The following NPIPB7 variants were observed in gnomAD, a reference collection of about 807,000 sequenced individuals.
The protein encoded by NPIPB7 is nuclear pore complex interacting protein family member B7, also known as nuclear pore complex-interacting protein family member B7.
For synonymous variants in NPIPB7, 9 were observed against 88.1 expected, an observed-to-expected ratio of 0.10 and a Z score of 5.03; for missense variants, 14 against 238.5, an observed-to-expected ratio of 0.06 and a Z score of 6.20.
At chr16:28,463,922 CT>C in intron 2 of NPIPB7, among the ~76,000 whole-genome samples, 1 of 61,120 alleles carries the variant, frequency 1.6e-5, no homozygotes, top group African/African-American at 4.8e-5. Flanking sequence ...GTAGTCCCAG[CT>C]ACTCGGGAGG....
intron 4 of NPIPB7, among the ~76,000 whole-genome samples, chr16:28,462,178 G>C (rs1041991216): frequency 2.0e-5 from 3 of 150,298 alleles, no homozygotes; most frequent in African/African-American, 7.5e-5. Context: ...CCAGCACTTT[G>C]GGAGGCTGAG....
chr16:28,463,290 G>A (rs1327714144), intron 2 of NPIPB7, among the ~76,000 whole-genome samples: 27 of 138,240 alleles, frequency 2.0e-4, no homozygotes, highest in Middle Eastern at 3.5e-3. Context: ...TACTCGGGAG[G>A]CTGAGGCAGA....
intron 1 of NPIPB7, among the ~76,000 whole-genome samples, chr16:28,467,386 G>A (rs2045910368): frequency 2.4e-5 from 1 of 40,974 alleles, no homozygotes; most frequent in Non-Finnish European, 4.9e-5. Flanking sequence ...AGCCTCCCGA[G>A]TAGCTGAGAT....
intron 4 of NPIPB7, among the ~76,000 whole-genome samples, chr16:28,461,177 G>A (rs193047413): frequency 9.9e-4 from 148 of 150,126 alleles, no homozygotes; most frequent in Non-Finnish European, 1.5e-3. Flanking sequence ...GTGGATTGAG[G>A]GTCTGCCAAT....
At chr16:28,472,235 A>G (rs1220935227), upstream of NPIPB7, among the ~76,000 whole-genome samples, 1 of 152,044 alleles carries the variant, frequency 6.6e-6, no homozygotes, top group African/African-American at 2.4e-5. Context: ...CAACATAGTG[A>G]GACACCGTCT....
chr16:28,464,919 G>C (rs1263853823), intron 2 of NPIPB7, among the ~76,000 whole-genome samples: 1 of 146,588 alleles, frequency 6.8e-6, no homozygotes, highest in Non-Finnish European at 1.5e-5. Flanking sequence ...GATGAAAAGA[G>C]CAACCACGTC....
chr16:28,470,190 A>G (rs1201387666), intron 1 of NPIPB7, among the ~76,000 whole-genome samples, 183 bp downstream of exon 1: 2 of 131,990 alleles, frequency 1.5e-5, no homozygotes, highest in African/African-American at 6.1e-5. Flanking sequence ...CTTTTTTGGA[A>G]TTTTTTGTAG....
chr16:28,459,045 CA>C (rs1386777533), intron 4 of NPIPB7, among the ~76,000 whole-genome samples: 2 of 110,102 alleles, frequency 1.8e-5, no homozygotes, highest in Non-Finnish European at 4.0e-5. Context: ...AAAACAAAAA[CA>C]AAAACAAAAA....
In NPIPB7 at chr16:28,470,331, C is replaced by G. The variant is rs1203501059; in HGVS notation, c.66+42G>C. On this transcript the variant is annotated intron_variant, in intron 1 of 6. Transcript: ENST00000452313. ...TAATTTCATGCCGCGTGACACAGCC[C>G]AGTAAAAAGGAAGAAACCCCGCGGG... 1.2e-5 allele frequency: 18 copies of G among 1,509,100 alleles called. No homozygotes were observed. In the South Asian group the frequency reaches 2.2e-4, roughly 18 times the overall value. The allele number at this position is 1,509,100 out of a possible 1,614,324, so 93.5% of individuals were successfully genotyped here. A position where few individuals can be genotyped will look rare whatever the true frequency, so the allele number is the denominator to read the frequency against.
At chr16:28,471,871 G>T (rs1308097678), upstream of NPIPB7, among the ~76,000 whole-genome samples, 1 of 152,050 alleles carries the variant, frequency 6.6e-6, no homozygotes, top group Non-Finnish European at 1.5e-5. Context: ...ACCTCTCAGG[G>T]ATGTCCAAGG....
intron 2 of NPIPB7, among the ~76,000 whole-genome samples, chr16:28,463,403 A>G (rs1372322976): frequency 9.8e-6 from 1 of 101,948 alleles, no homozygotes; most frequent in East Asian, 3.3e-4. Context: ...ACACACACAC[A>G]CACACACACA....
chr16:28,468,401 C>G (rs2045918099), intron 1 of NPIPB7, among the ~76,000 whole-genome samples: 1 of 147,568 alleles, frequency 6.8e-6, no homozygotes, highest in Non-Finnish European at 1.5e-5. Flanking sequence ...AATAATACTT[C>G]TCTCTTGGAT....
upstream of NPIPB7, chr16:28,470,680 G>T (rs555040847): frequency 1.8e-6 from 1 of 543,256 alleles, no homozygotes; most frequent in Admixed American, 3.2e-5. Context: ...AGGGAAAGGA[G>T]GAGAAGGGGG....
chr16:28,470,734 G>C (rs1375695302), upstream of NPIPB7, among the ~76,000 whole-genome samples: 1 of 150,944 alleles, frequency 6.6e-6, no homozygotes, highest in Non-Finnish European at 1.5e-5. Flanking sequence ...AGAAGAAAGG[G>C]GTCTGGGAAA....
exon 7 of NPIPB7, chr16:28,456,604 G>C: frequency 1.6e-6 from 1 of 620,558 alleles, no homozygotes; most frequent in South Asian, 1.8e-5. Flanking sequence ...TTTCCACCTC[G>C]GCCTCCTGAG....
At chr16:28,462,449 G>T (rs1457585756) in intron 4 of NPIPB7, among the ~76,000 whole-genome samples, 15 of 146,732 alleles carry the variant, frequency 1.0e-4, no homozygotes, top group African/African-American at 2.7e-4. Flanking sequence ...GAAAACCAAT[G>T]CCAGTACTAG....
intron 4 of NPIPB7, among the ~76,000 whole-genome samples, chr16:28,461,945 C>A: frequency 1.0e-5 from 1 of 99,758 alleles, no homozygotes; most frequent in South Asian, 3.5e-4. Flanking sequence ...GAGACTCTGT[C>A]TCAAAAAAAA....
At chr16:28,471,767 G>A (rs1417660848), upstream of NPIPB7, among the ~76,000 whole-genome samples, 1 of 145,532 alleles carries the variant, frequency 6.9e-6, no homozygotes, top group Non-Finnish European at 1.5e-5. Flanking sequence ...GAGTGATGAT[G>A]TCCTTATCTA....
At chr16:28,462,104 G>A (rs1227215282) in intron 4 of NPIPB7, among the ~76,000 whole-genome samples, 3 of 146,390 alleles carry the variant, frequency 2.0e-5, no homozygotes, top group South Asian at 2.2e-4. Context: ...GCGACAGAGC[G>A]AGATTCTATC....
Sources: gnomAD v4.1 joint callset for allele counts (sites outside exome capture counted in the v4.1 genomes callset) on GRCh38, gnomAD v4.1.1 for gene constraint, MANE v1.5 for transcripts, NCBI Gene and HGNC (gene_info 2026-07-23, HGNC 2026-07-21) for gene names.